Variants in CNTNAP2 observed in about 807,000 individuals in gnomAD.
CNTNAP2 encodes the protein contactin associated protein 2, also known as contactin-associated protein-like 2.
A neutral mutation model predicts 155.2 loss-of-function variants in CNTNAP2; 98 were observed. The observed-to-expected ratio is 0.63, with a 90% confidence interval of 0.54 to 0.75. The LOEUF (loss-of-function observed/expected upper bound fraction) is 0.75. Ranked by LOEUF, CNTNAP2 falls within the 30% of genes least tolerant of loss-of-function variation. CNTNAP2 has a pLI of 0.00. For synonymous variants in CNTNAP2, 651 were observed against 631.2 expected (o/e 1.03, Z -0.47); for missense variants, 1,727 against 1,688.1 (o/e 1.02, Z -0.40).
intron 13 of CNTNAP2, among the ~76,000 whole-genome samples, chr7:147,736,730 CT>C (rs1356584311): frequency 6.6e-6 from 1 of 152,084 alleles, no homozygotes. Context: ...TCTTTTTATT[CT>C]TTTTTCTCTA....
intron 12 of CNTNAP2, among the ~76,000 whole-genome samples, chr7:147,566,346 G>C (rs1800170223): frequency 1.0e-5 from 1 of 95,464 alleles, no homozygotes; most frequent in Non-Finnish European, 2.0e-5. Flanking sequence ...AGGGGGAGGG[G>C]AAAGGAAGGG....
chr7:147,297,935 G>A (rs960547452), intron 8 of CNTNAP2, among the ~76,000 whole-genome samples: 10 of 152,168 alleles, frequency 6.6e-5, no homozygotes, highest in African/African-American at 1.9e-4. Flanking sequence ...GGGTATATAC[G>A]TAGTAGTTGG....
At chr7:147,985,196 G>T (rs1005267938) in intron 15 of CNTNAP2, among the ~76,000 whole-genome samples, 1 of 151,248 alleles carries the variant, frequency 6.6e-6, no homozygotes, top group Non-Finnish European at 1.5e-5. Flanking sequence ...ATTCTCTCTG[G>T]TAATCCCCTC....
At chr7:148,313,608 G>A (rs1797635267) in intron 21 of CNTNAP2, among the ~76,000 whole-genome samples, 6 of 152,138 alleles carry the variant, frequency 3.9e-5, no homozygotes, top group Admixed American at 3.9e-4. Flanking sequence ...GCTGGGGTTT[G>A]TCTCACAGTG....
intron 1 of CNTNAP2, among the ~76,000 whole-genome samples, chr7:146,579,615 C>T (rs1381550887): frequency 6.6e-6 from 1 of 152,054 alleles, no homozygotes; most frequent in African/African-American, 2.4e-5. Flanking sequence ...CCGCTAGAGA[C>T]TCACTCATTG....
intron 11 of CNTNAP2, among the ~76,000 whole-genome samples, chr7:147,545,978 G>A (rs531213718): frequency 8.5e-5 from 13 of 152,192 alleles, no homozygotes; most frequent in South Asian, 4.2e-4. Flanking sequence ...CTTGCCTGCC[G>A]CCATGTAAGA....
chr7:148,110,467 G>A (rs188708841), intron 15 of CNTNAP2, among the ~76,000 whole-genome samples: 57 of 144,950 alleles, frequency 3.9e-4, no homozygotes, highest in Non-Finnish European at 6.9e-4. Flanking sequence ...AGTACCACCC[G>A]CGCCAATGCT....
At chr7:147,358,423 G>A (rs1173446757) in intron 9 of CNTNAP2, among the ~76,000 whole-genome samples, 3 of 152,036 alleles carry the variant, frequency 2.0e-5, no homozygotes, top group African/African-American at 4.8e-5. Context: ...TATTGTCACA[G>A]AAATACTTAT....
intron 1 of CNTNAP2, among the ~76,000 whole-genome samples, chr7:146,174,154 A>G (rs1313418924): frequency 6.6e-6 from 1 of 151,962 alleles, no homozygotes; most frequent in African/African-American, 2.4e-5. Context: ...GTGAGCTATA[A>G]TCCTGCCATT....
intron 3 of CNTNAP2, among the ~76,000 whole-genome samples, chr7:146,876,942 A>G (rs1205784203): frequency 6.6e-6 from 1 of 152,142 alleles, no homozygotes; most frequent in African/African-American, 2.4e-5. Context: ...TTTTATTTTC[A>G]TATTTCACTA....
chr7:147,980,547 C>G (rs1199270586), intron 15 of CNTNAP2, among the ~76,000 whole-genome samples: 1 of 152,038 alleles, frequency 6.6e-6, no homozygotes, highest in African/African-American at 2.4e-5. Context: ...TCATTGTTTT[C>G]CAGGCAACCG....
chr7:148,396,741 A>G (rs1799476227), intron 22 of CNTNAP2, among the ~76,000 whole-genome samples: 1 of 152,248 alleles, frequency 6.6e-6, no homozygotes, highest in Non-Finnish European at 1.5e-5. Context: ...CTCTGCATAG[A>G]CTATTCAGAA....
At chr7:146,261,149 T>G (rs1183063194) in intron 1 of CNTNAP2, among the ~76,000 whole-genome samples, 1 of 152,140 alleles carries the variant, frequency 6.6e-6, no homozygotes, top group Non-Finnish European at 1.5e-5. Context: ...GATTGTAAGT[T>G]TCCTGAGGCC....
chr7:146,380,924 G>A (rs113125559), intron 1 of CNTNAP2, among the ~76,000 whole-genome samples: 2 of 148,250 alleles, frequency 1.3e-5, no homozygotes, highest in African/African-American at 5.0e-5. Context: ...TCAGCCTCCC[G>A]AGTAGCTGGG....
chr7:147,431,905 C>T (rs1176636080), intron 10 of CNTNAP2, among the ~76,000 whole-genome samples: 1 of 152,154 alleles, frequency 6.6e-6, no homozygotes, highest in Non-Finnish European at 1.5e-5. Context: ...TTAACTTCTT[C>T]CATGGATTTG....
At chr7:146,681,936 G>C (rs1800511968) in intron 1 of CNTNAP2, among the ~76,000 whole-genome samples, 1 of 152,000 alleles carries the variant, frequency 6.6e-6, no homozygotes, top group South Asian at 2.1e-4. Flanking sequence ...TAGTATTTCA[G>C]GTTAATGAAT....
intron 13 of CNTNAP2, among the ~76,000 whole-genome samples, chr7:147,759,459 A>T (rs974696998): frequency 6.6e-6 from 1 of 152,228 alleles, no homozygotes; most frequent in Non-Finnish European, 1.5e-5. Flanking sequence ...ACTTTCTACC[A>T]AAATCCATGT....
chr7:147,155,497 G>A (rs547011566), intron 8 of CNTNAP2, among the ~76,000 whole-genome samples: 25 of 152,184 alleles, frequency 1.6e-4, no homozygotes, highest in African/African-American at 4.8e-4. Context: ...CTAGAGAACC[G>A]GTACCCAGAC....
intron 22 of CNTNAP2, among the ~76,000 whole-genome samples, chr7:148,405,460 G>A (rs927198603): frequency 3.7e-5 from 3 of 82,056 alleles, no homozygotes; most frequent in East Asian, 4.1e-4. Context: ...ACGGAGTCTC[G>A]CTCTGTCGCC....
Sources: allele counts gnomAD v4.1 joint callset (sites outside exome capture counted in the v4.1 genomes callset), GRCh38; gene constraint gnomAD v4.1.1; transcripts MANE v1.5; gene names NCBI Gene and HGNC (gene_info 2026-07-23, HGNC 2026-07-21).